PIAS1: variants seen among roughly 807,000 people sequenced by gnomAD.
PIAS1 encodes E3 SUMO-protein ligase PIAS1.
Under a neutral mutation model 71.3 loss-of-function variants are expected in PIAS1, and 6 were observed. That is an observed-to-expected ratio of 0.08 (90% CI 0.05 to 0.17). The LOEUF is 0.17. PIAS1 is among the 10% of genes least tolerant of loss of function. PIAS1 has a pLI of 1.00. For synonymous variants in PIAS1, 303 were observed against 292.9 expected (o/e 1.03, Z -0.35); for missense variants, 555 against 793.6 (o/e 0.70, Z 3.61).
At position 68,188,050 on chromosome 15, in the gene PIAS1, A is replaced by AT; in HGVS notation, c.*216dup. ...ATATAAATCTAAGACTGCCTGTGTG[A>AT]TAAAACACTTGTTTAAAAAAAAAAA... On this transcript the variant is annotated 3_prime_UTR_variant, in exon 14 of 14. Transcript: ENST00000249636. 2.8e-6 allele frequency: 1 copy of AT among 355,600 alleles called. No homozygotes were observed. Among genetic ancestry groups the AT allele is most frequent in the Non-Finnish European group, 5.0e-6 (1 of 198,960 alleles). 22.0% of individuals were successfully genotyped at this position (355,600 alleles called of 1,614,324 possible). A position where few individuals can be genotyped will look rare whatever the true frequency, so the allele number is the denominator to read the frequency against.
intron 2 of PIAS1, among the ~76,000 whole-genome samples, chr15:68,125,003 G>A (rs899631786): frequency 2.2e-4 from 33 of 152,172 alleles, no homozygotes; most frequent in Admixed American, 8.5e-4. Flanking sequence ...TCTGTTTGTC[G>A]CCCTGTCTTG....
rs1008327227 is a variant in PIAS1, at chr15:68,174,532, T to C, written c.1169+640T>C. 6.6e-6 allele frequency among the ~76,000 whole-genome samples: 1 copy of C among 152,138 alleles called. No individual in the cohort carries two copies. The highest frequency in any genetic ancestry group is 1.5e-5 in the Non-Finnish European group (1 of 68,014). On this transcript the variant is annotated intron_variant, in intron 9 of 13. Transcript: ENST00000249636. This position sits in a 1 kb window ranked among gnomAD's most constrained non-coding sequence, Gnocchi z 4.0. ...TGTGAAAAGGAGGACATCTCCTTGA[T>C]TTTTTTGGGGATGGGGGGTTAGAGA...
chr15:68,175,290 G>T (rs2093014372), intron 9 of PIAS1, among the ~76,000 whole-genome samples: 1 of 151,966 alleles, frequency 6.6e-6, no homozygotes. Context: ...CTTATTGTGG[G>T]CAATTTAGAA....
intron 8 of PIAS1, among the ~76,000 whole-genome samples, chr15:68,168,278 G>C (rs111749536): frequency 0.022 from 3,329 of 152,222 alleles, 124 homozygotes; most frequent in African/African-American, 0.076. Flanking sequence ...CAAAGTGATG[G>C]GATTACAGGT....
At chr15:68,129,547 C>G (rs2092674530) in intron 2 of PIAS1, among the ~76,000 whole-genome samples, 1 of 149,216 alleles carries the variant, frequency 6.7e-6, no homozygotes, top group African/African-American at 2.5e-5. Flanking sequence ...AATGAAAAGC[C>G]AAAAGAAAAC....
intron 2 of PIAS1, among the ~76,000 whole-genome samples, chr15:68,133,424 T>C (rs1228714896): frequency 6.6e-6 from 1 of 151,944 alleles, no homozygotes; most frequent in Non-Finnish European, 1.5e-5. Flanking sequence ...TGGAAATTCA[T>C]CTAGATGAAT....
At chr15:68,067,872 C>T (rs2092046435) in intron 1 of PIAS1, among the ~76,000 whole-genome samples, 1 of 152,122 alleles carries the variant, frequency 6.6e-6, no homozygotes, top group Non-Finnish European at 1.5e-5. Context: ...CCCATTTCTT[C>T]TAGGTAACTT....
rs1179322221 is a variant in PIAS1, at chr15:68,185,753, G to A, written c.1663-1789G>A. Among the ~76,000 whole-genome samples, 1 of 152,110 alleles carries A rather than the reference G, an allele frequency of 6.6e-6. No homozygotes were observed. The highest frequency in any genetic ancestry group is 2.4e-5 in the African/African-American group (1 of 41,410). ...CCAAAGCGGGTAGATCATGAGGTCA[G>A]GAGTTCGAGACCAGCCTGACCAACA... is the stretch of plus-strand genomic sequence containing the variant. On this transcript the variant is annotated intron_variant, in intron 13 of 13. Coordinates refer to ENST00000249636, the MANE Select transcript of PIAS1 (RefSeq NM_016166.3). This position sits in a 1 kb window ranked among gnomAD's most constrained non-coding sequence, Gnocchi z 4.4.
At chr15:68,097,307 T>C (rs1013601327) in intron 2 of PIAS1, among the ~76,000 whole-genome samples, 1 of 152,064 alleles carries the variant, frequency 6.6e-6, no homozygotes, top group Non-Finnish European at 1.5e-5. Flanking sequence ...GATATTCTTT[T>C]CTTGTTCCTT....
chr15:68,106,005 T>C (rs2092465254), intron 2 of PIAS1, among the ~76,000 whole-genome samples: 1 of 152,180 alleles, frequency 6.6e-6, no homozygotes, highest in South Asian at 2.1e-4. Context: ...TAAAAAATGA[T>C]GTTTACCAGT....
At chr15:68,154,258 A>G (rs764233883) in intron 7 of PIAS1, among the ~76,000 whole-genome samples, 23 of 152,150 alleles carry the variant, frequency 1.5e-4, no homozygotes, top group Non-Finnish European at 2.6e-4. Context: ...GTTTGTTTTG[A>G]TACGTTGAAT....
At chr15:68,100,317 G>A (rs1352490959) in intron 2 of PIAS1, among the ~76,000 whole-genome samples, 1 of 152,088 alleles carries the variant, frequency 6.6e-6, no homozygotes, top group Non-Finnish European at 1.5e-5. Context: ...TGTATTTGTA[G>A]CTCTGTGCAG....
Position 68,086,295 on chromosome 15 carries a change from T to G in PIAS1, c.25-11T>G. On this transcript the variant is annotated splice_polypyrimidine_tract_variant and intron_variant, in intron 1 of 13. Coordinates refer to ENST00000249636, the MANE Select transcript of PIAS1 (RefSeq NM_016166.3). The surrounding 1 kb of genome is among the most constrained non-coding windows in gnomAD (Gnocchi z 7.2). ...GAATACTAATGTTTTACATTTTGTT[T>G]TTTCTCTAAGCAAATGGTTATGAGC... The G allele has an allele frequency of 6.5e-7, 1 of 1,536,078 alleles. No individual in the cohort carries two copies. Among genetic ancestry groups the G allele is most frequent in the Admixed American group, 2.2e-5 (1 of 46,476 alleles).
At chr15:68,159,052 A>G (rs2092908461) in intron 7 of PIAS1, among the ~76,000 whole-genome samples, 2 of 152,114 alleles carry the variant, frequency 1.3e-5, no homozygotes, top group African/African-American at 4.8e-5. Context: ...CCCCAAATCG[A>G]CTTATTGGGT....
intron 2 of PIAS1, among the ~76,000 whole-genome samples, chr15:68,132,065 A>AG (rs2092691818): frequency 6.6e-6 from 1 of 151,912 alleles, no homozygotes; most frequent in Non-Finnish European, 1.5e-5. Flanking sequence ...AGAAAAGAAA[A>AG]AAAGAAAGAA....
rs536414081 is a variant in PIAS1 at position 68,167,906 on chromosome 15, C to T, written c.1008+3102C>T. Among the ~76,000 whole-genome samples the T allele has an allele frequency of 1.4e-4, 22 of 152,186 alleles. No individual in the cohort carries two copies. In the South Asian group the frequency reaches 4.6e-3, roughly 32 times the overall value. On this transcript the variant is annotated intron_variant, in intron 8 of 13. Coordinates refer to ENST00000249636, the MANE Select transcript of PIAS1 (RefSeq NM_016166.3). This position sits in a 1 kb window ranked among gnomAD's most constrained non-coding sequence, Gnocchi z 4.4. ...ATTTTTAGTAGAGATGGGGTTTCAC[C>T]ATGTTGGCCAGGCTGGTCTCAAACT...
intron 7 of PIAS1, among the ~76,000 whole-genome samples, chr15:68,155,429 C>G (rs1164722513): frequency 1.4e-5 from 2 of 138,904 alleles, no homozygotes; most frequent in African/African-American, 5.7e-5. Flanking sequence ...GGTTATCTAC[C>G]TTTACCTGTA....
chr15:68,100,231 A>G (rs989661083), intron 2 of PIAS1, among the ~76,000 whole-genome samples: 3 of 152,220 alleles, frequency 2.0e-5, no homozygotes, highest in Non-Finnish European at 4.4e-5. Flanking sequence ...AATATAGTGC[A>G]GTATCCAAAC....
At chr15:68,111,865 G>T (rs2092525481) in intron 2 of PIAS1, among the ~76,000 whole-genome samples, 2 of 152,126 alleles carry the variant, frequency 1.3e-5, no homozygotes, top group African/African-American at 2.4e-5. Context: ...AACAATTTGT[G>T]TGTGGATTGG....
Sources: gnomAD v4.1 joint callset for allele counts (sites outside exome capture counted in the v4.1 genomes callset) on GRCh38, gnomAD v4.1.1 for gene constraint, Gnocchi (gnomAD v3.1) non-coding constraint, MANE v1.5 for transcripts, NCBI Gene and HGNC (gene_info 2026-07-23, HGNC 2026-07-21) for gene names.